Variants in PDPR observed in about 807,000 individuals in gnomAD.
PDPR encodes the protein pyruvate dehydrogenase phosphatase regulatory subunit, also known as pyruvate dehydrogenase phosphatase regulatory subunit, mitochondrial.
In PDPR, 50 loss-of-function variants were observed where a neutral mutation model predicts 102.2. That is an observed-to-expected ratio of 0.49 (90% CI 0.39 to 0.62). The LOEUF is 0.62. Ranked by LOEUF, PDPR falls within the 20% of genes least tolerant of loss-of-function variation. PDPR has a pLI of 0.00. For missense variants in PDPR, 625 were observed against 1,098.2 expected (o/e 0.57, Z 6.09); for synonymous variants, 259 against 406.0 (o/e 0.64, Z 4.35).
chr16:70,134,855 A>G (rs1319361555), intron 9 of PDPR, among the ~76,000 whole-genome samples: 1 of 152,226 alleles, frequency 6.6e-6, no homozygotes, highest in African/African-American at 2.4e-5. Flanking sequence ...AAGAGTCTCT[A>G]ATGAAGAATT....
chr16:70,137,126 G>A (rs1211627490), intron 10 of PDPR, among the ~76,000 whole-genome samples: 3 of 152,196 alleles, frequency 2.0e-5, no homozygotes, highest in South Asian at 2.1e-4. Context: ...GCCGAGGTGG[G>A]CGGATCACAA....
chr16:70,152,486 C>G (rs1443412071), intron 17 of PDPR, among the ~76,000 whole-genome samples: 3 of 152,270 alleles, frequency 2.0e-5, no homozygotes, highest in Non-Finnish European at 4.4e-5. Context: ...CCACTTCACT[C>G]TAGCCTGGGC....
intron 2 of PDPR, among the ~76,000 whole-genome samples, chr16:70,117,980 C>T (rs1226435522): frequency 6.6e-6 from 1 of 151,776 alleles, no homozygotes; most frequent in South Asian, 2.1e-4. Flanking sequence ...GTAGTTCCAG[C>T]TGTTCAGGAG....
At position 70,157,472 on chromosome 16, in the gene PDPR, G is replaced by C. The variant is rs1967350777; in HGVS notation, c.*593G>C. On this transcript the variant is annotated 3_prime_UTR_variant, in exon 19 of 19. Transcript: ENST00000288050. The stretch of plus-strand genomic sequence containing the variant: ...AGAGGCATCGCATGGACGTTCTCTG[G>C]TCTGTAGTGGAGACAAGCAGTTAAC... 3.0e-6 allele frequency: 1 copy of C among 336,336 alleles called. No homozygotes were observed. Among genetic ancestry groups the C allele is most frequent in the South Asian group, 2.5e-5 (1 of 39,646 alleles). 20.8% of individuals were successfully genotyped at this position (336,336 alleles called of 1,614,324 possible).
intron 3 of PDPR, among the ~76,000 whole-genome samples, chr16:70,124,648 A>G (rs1963736987): frequency 6.6e-6 from 1 of 152,260 alleles, no homozygotes; most frequent in Non-Finnish European, 1.5e-5. Flanking sequence ...GCCACTGTCA[A>G]AGCTGCTCAA....
intron 11 of PDPR, among the ~76,000 whole-genome samples, chr16:70,140,280 G>T (rs1299432996): frequency 2.6e-5 from 4 of 152,260 alleles, no homozygotes; most frequent in Non-Finnish European, 4.4e-5. Context: ...AGTTGAGGCT[G>T]CAGTGAGCCA....
At chr16:70,125,519 A>T (rs1256991725) in intron 3 of PDPR, among the ~76,000 whole-genome samples, 1 of 145,724 alleles carries the variant, frequency 6.9e-6, no homozygotes, top group Admixed American at 7.3e-5. Context: ...GTGCCATTGC[A>T]CTCCAGCCTG....
chr16:70,120,372 A>G (rs1963114671), intron 2 of PDPR, 89 bp from the exon 3 acceptor site: 1 of 722,810 alleles, frequency 1.4e-6, no homozygotes, highest in Admixed American at 2.4e-5. Flanking sequence ...TTGCTGAATG[A>G]ATGGCTATCG....
At chr16:70,128,471 G>GC (rs901285264) in intron 4 of PDPR, among the ~76,000 whole-genome samples, 4 of 152,294 alleles carry the variant, frequency 2.6e-5, no homozygotes, top group South Asian at 2.1e-4. Context: ...CAGATGATCC[G>GC]CCCCCCTCAG....
At chr16:70,123,149 G>A (rs867323394) in intron 3 of PDPR, among the ~76,000 whole-genome samples, 2,455 of 147,598 alleles carry the variant, frequency 0.017, no homozygotes, top group Non-Finnish European at 0.021. Flanking sequence ...TGATCCACCC[G>A]CCTCAGCCTC....
Position 70,157,259 on chromosome 16 carries a change from G to A in PDPR, c.*380G>A, listed in dbSNP as rs932629659. The A allele has an allele frequency of 1.2e-5, 6 of 488,852 alleles. No homozygotes were observed. In the East Asian group the frequency reaches 2.4e-4, roughly 20 times the overall value. The allele number at this position is 488,852 out of a possible 1,614,324, so 30.3% of individuals were successfully genotyped here. A position where few individuals can be genotyped will look rare whatever the true frequency, so the allele number is the denominator to read the frequency against. On this transcript the variant is annotated 3_prime_UTR_variant, in exon 19 of 19. Coordinates refer to ENST00000288050, the MANE Select transcript of PDPR (RefSeq NM_017990.5). ...CGGGGTGGTGCAGGTCTCAGGGCAC[G>A]AGTCCCTCTCCCTTGGGTTCCATTT...
chr16:70,140,337 C>A (rs902646637), intron 11 of PDPR, among the ~76,000 whole-genome samples: 11 of 152,350 alleles, frequency 7.2e-5, no homozygotes, highest in Admixed American at 2.0e-4. Flanking sequence ...GACTGAGACC[C>A]TGTCTCAAAA....
chr16:70,126,448 C>T (rs1447747705), intron 3 of PDPR, among the ~76,000 whole-genome samples: 1 of 152,274 alleles, frequency 6.6e-6, no homozygotes, highest in Non-Finnish European at 1.5e-5. Context: ...ACTGCAAGCT[C>T]CACCTCCCGG....
intron 2 of PDPR, among the ~76,000 whole-genome samples, chr16:70,116,643 A>G (rs1466731505): frequency 6.6e-6 from 1 of 150,412 alleles, no homozygotes; most frequent in Non-Finnish European, 1.5e-5. Context: ...GTGAGGCCCA[A>G]GATGCAATGG....
At chr16:70,156,370 C>G (rs924012818) in intron 18 of PDPR, 105 bp from the exon 19 acceptor site, 1 of 1,375,350 alleles carries the variant, frequency 7.3e-7, no homozygotes, top group African/African-American at 1.5e-5. Flanking sequence ...GAGGAGGCGG[C>G]TGTGCCCCAT....
At chr16:70,154,989 C>T (rs1487204071) in intron 18 of PDPR, among the ~76,000 whole-genome samples, 8 of 152,120 alleles carry the variant, frequency 5.3e-5, no homozygotes, top group East Asian at 3.9e-4. Context: ...TTCACAAGTT[C>T]GAGACCAGCC....
chr16:70,140,281 C>T (rs777668421), intron 11 of PDPR, among the ~76,000 whole-genome samples: 42 of 152,240 alleles, frequency 2.8e-4, no homozygotes, highest in Non-Finnish European at 4.0e-4. Context: ...GTTGAGGCTG[C>T]AGTGAGCCAT....
intron 17 of PDPR, 26 bp downstream of exon 17, chr16:70,148,579 TC>T (rs753379276): frequency 1.9e-5 from 29 of 1,528,258 alleles, no homozygotes; most frequent in Middle Eastern, 1.7e-4. Context: ...TCCCTTCCCT[TC>T]CCTTCACTTC....
At chr16:70,149,577 T>C (rs1043355256) in intron 17 of PDPR, among the ~76,000 whole-genome samples, 4 of 152,236 alleles carry the variant, frequency 2.6e-5, no homozygotes, top group African/African-American at 7.2e-5. Context: ...CACTTCACAA[T>C]TTCTCTTAGA....
Sources: gnomAD v4.1 joint callset for allele counts (sites outside exome capture counted in the v4.1 genomes callset) on GRCh38, gnomAD v4.1.1 for gene constraint, MANE v1.5 for transcripts, NCBI Gene and HGNC (gene_info 2026-07-23, HGNC 2026-07-21) for gene names.